ASTN2: variants seen among roughly 807,000 people sequenced by gnomAD.
ASTN2 encodes the protein astrotactin-2.
Under a neutral mutation model 139.8 loss-of-function variants are expected in ASTN2, and 54 were observed. That is an observed-to-expected ratio of 0.39 (90% CI 0.31 to 0.48). The LOEUF (loss-of-function observed/expected upper bound fraction) is 0.48. ASTN2 is among the 20% of genes least tolerant of loss of function. The pLI, the probability that ASTN2 is intolerant of heterozygous loss-of-function variation, is 0.95. For synonymous variants in ASTN2, 756 were observed against 719.5 expected, an observed-to-expected ratio of 1.05 and a Z score of -0.81; for missense variants, 1,565 against 1,725.1, an observed-to-expected ratio of 0.91 and a Z score of 1.64.
chr9:116,984,121 G>A (rs1928998), intron 7 of ASTN2, among the ~76,000 whole-genome samples: 81,135 of 152,012 alleles, frequency 0.53, 22,477 homozygotes, highest in South Asian at 0.73. Flanking sequence ...TGTACTCTCA[G>A]CATCTGAGTG....
intron 4 of ASTN2, among the ~76,000 whole-genome samples, chr9:117,118,684 A>G (rs1371057634): frequency 6.6e-6 from 1 of 152,158 alleles, no homozygotes; most frequent in East Asian, 1.9e-4. Flanking sequence ...CTGGATCCTA[A>G]TTATGTAACC....
intron 17 of ASTN2, among the ~76,000 whole-genome samples, chr9:116,648,024 CAG>C (rs965555749): frequency 2.1e-5 from 3 of 145,636 alleles, no homozygotes; most frequent in Non-Finnish European, 4.5e-5. Flanking sequence ...TTTTTTGAGA[CAG>C]AGTCTTGCTC....
At chr9:117,204,679 C>A (rs2132999064) in intron 3 of ASTN2, among the ~76,000 whole-genome samples, 1 of 152,230 alleles carries the variant, frequency 6.6e-6, no homozygotes, top group East Asian at 1.9e-4. Flanking sequence ...TAGGAAAACT[C>A]CTCCAGCATT....
At chr9:116,639,062 A>AGAC (rs1857207764) in intron 17 of ASTN2, among the ~76,000 whole-genome samples, 1 of 152,196 alleles carries the variant, frequency 6.6e-6, no homozygotes, top group Admixed American at 6.5e-5. Flanking sequence ...TAAAACTAGA[A>AGAC]GATGATAGGT....
intron 13 of ASTN2, among the ~76,000 whole-genome samples, chr9:116,802,083 C>CTTTTTTTTTTTTTT (rs796156202): frequency 8.2e-6 from 1 of 121,748 alleles, no homozygotes; most frequent in African/African-American, 3.2e-5. Flanking sequence ...TTCTTTCTTT[C>CTTTTTTTTTTTTTT]TTTTTTTTTT....
chr9:117,147,823 A>T (rs1303777883), intron 3 of ASTN2, among the ~76,000 whole-genome samples: 1 of 151,940 alleles, frequency 6.6e-6, no homozygotes, highest in Non-Finnish European at 1.5e-5. Flanking sequence ...GGTTATGGTG[A>T]CTCCAATGCT....
chr9:117,146,175 A>G (rs2132869000), intron 3 of ASTN2, among the ~76,000 whole-genome samples: 2 of 152,226 alleles, frequency 1.3e-5, no homozygotes, highest in South Asian at 4.1e-4. Context: ...ATATCAGTAT[A>G]TCAAGTTGTC....
chr9:116,522,044 A>C (rs975696145), intron 19 of ASTN2, among the ~76,000 whole-genome samples: 1 of 152,212 alleles, frequency 6.6e-6, no homozygotes, highest in Non-Finnish European at 1.5e-5. Flanking sequence ...GTGAAAATGA[A>C]ACACTTTTAC....
chr9:116,875,104 T>C (rs1368005206), intron 10 of ASTN2, among the ~76,000 whole-genome samples: 1 of 152,148 alleles, frequency 6.6e-6, no homozygotes, highest in African/African-American at 2.4e-5. Context: ...CTTTAAATCA[T>C]AAGCTAGAAA....
chr9:117,378,527 A>T (rs1403672093), intron 1 of ASTN2, among the ~76,000 whole-genome samples: 1 of 152,200 alleles, frequency 6.6e-6, no homozygotes, highest in Non-Finnish European at 1.5e-5. Context: ...GGGAGACATT[A>T]CGAACATCAG....
At chr9:116,847,607 C>T (rs573466169) in intron 11 of ASTN2, among the ~76,000 whole-genome samples, 12 of 152,134 alleles carry the variant, frequency 7.9e-5, no homozygotes, top group Non-Finnish European at 1.5e-4. Flanking sequence ...GGCACTGTTT[C>T]GATGTGTTTT....
intron 5 of ASTN2, among the ~76,000 whole-genome samples, chr9:117,055,052 C>T (rs1432160327): frequency 6.6e-6 from 1 of 152,122 alleles, no homozygotes; most frequent in Non-Finnish European, 1.5e-5. Flanking sequence ...GCTCACTTGC[C>T]CACCGCTCAC....
chr9:116,566,737 A>T (rs963454622), intron 19 of ASTN2, among the ~76,000 whole-genome samples: 6 of 152,180 alleles, frequency 3.9e-5, no homozygotes, highest in Non-Finnish European at 7.4e-5. Context: ...CTAGCCAACG[A>T]CTGGGCATAG....
chr9:117,318,966 G>T (rs1828233818), intron 1 of ASTN2, among the ~76,000 whole-genome samples: 1 of 152,182 alleles, frequency 6.6e-6, no homozygotes, highest in Non-Finnish European at 1.5e-5. Context: ...ACTGCGGGAG[G>T]CAAATTAAGG....
At chr9:117,180,057 A>C (rs1162132922) in intron 3 of ASTN2, among the ~76,000 whole-genome samples, 2 of 152,208 alleles carry the variant, frequency 1.3e-5, no homozygotes, top group Non-Finnish European at 2.9e-5. Flanking sequence ...TTTCCAGATC[A>C]GTGCTGTATC....
intron 10 of ASTN2, among the ~76,000 whole-genome samples, chr9:116,926,554 C>A (rs10983408): frequency 0.2 from 30,019 of 152,100 alleles, 3,481 homozygotes; most frequent in Middle Eastern, 0.24. Flanking sequence ...ACTGGAGTTA[C>A]AAGAGATGTT....
intron 11 of ASTN2, among the ~76,000 whole-genome samples, chr9:116,828,030 C>A (rs1333020950): frequency 6.6e-6 from 1 of 152,194 alleles, no homozygotes; most frequent in Non-Finnish European, 1.5e-5. Flanking sequence ...GGCACAGTGG[C>A]TCACGCCTGT....
chr9:116,851,495 TATCTATC>T (rs1564304637), intron 11 of ASTN2, among the ~76,000 whole-genome samples: 4 of 150,232 alleles, frequency 2.7e-5, no homozygotes, highest in South Asian at 2.1e-4. Context: ...TCTATCTATC[TATCTATC>T]TATCTATCTA....
At chr9:116,901,918 C>T (rs1326240618) in intron 10 of ASTN2, among the ~76,000 whole-genome samples, 1 of 152,136 alleles carries the variant, frequency 6.6e-6, no homozygotes, top group Non-Finnish European at 1.5e-5. Context: ...ATCCCAGCTA[C>T]TCAGGAGGCT....
Sources: allele counts gnomAD v4.1 joint callset (sites outside exome capture counted in the v4.1 genomes callset), GRCh38; gene constraint gnomAD v4.1.1; transcripts MANE v1.5; gene names NCBI Gene and HGNC (gene_info 2026-07-23, HGNC 2026-07-21).